Variants in NPAS3 observed in about 807,000 individuals in gnomAD.
NPAS3 encodes the protein neuronal PAS domain protein 3.
A neutral mutation model predicts 73.1 loss-of-function variants in NPAS3; 14 were observed. The ratio of observed to expected loss-of-function variants is 0.19; its 90% CI spans 0.13 to 0.30. The LOEUF is 0.30. Among genes scored for constraint, NPAS3 ranks in the 10% least tolerant of loss-of-function variants. The pLI, the probability that NPAS3 is intolerant of heterozygous loss-of-function variation, is 1.00. For missense variants in NPAS3, 1,096 were observed against 1,250.0 expected, an observed-to-expected ratio of 0.88 and a Z score of 1.86; for synonymous variants, 620 against 541.5, an observed-to-expected ratio of 1.14 and a Z score of -2.01.
rs139303375 is a variant in NPAS3, at chr14:33,236,565, G to A, written c.385+21139G>A. ...GAGAGCATCGAATATCAGGTGCAGT[G>A]TGAGTTGCTTATTAAACTAAAGAAC... On this transcript the variant is annotated intron_variant, in intron 3 of 11. Coordinates refer to ENST00000356141, the Ensembl canonical transcript of NPAS3. 1.6e-4 allele frequency among the ~76,000 whole-genome samples: 24 copies of A among 152,128 alleles called. No individual in the cohort carries two copies. The East Asian group carries it at 4.6e-3, about 29-fold the overall frequency.
rs534415721 is a variant in NPAS3, at chr14:33,268,621, C to A, written c.385+53195C>A. ...GTCACTCCATGAGGAACTTATCAGTCAGCTATGATATGCCTATCACTTACT... is the reference window on the plus strand; with the variant it reads ...GTCACTCCATGAGGAACTTATCAGTAAGCTATGATATGCCTATCACTTACT... On this transcript the variant is annotated intron_variant, in intron 3 of 11. Coordinates refer to ENST00000356141, the Ensembl canonical transcript of NPAS3. Among the ~76,000 whole-genome samples the A allele has an allele frequency of 5.7e-4, 87 of 152,266 alleles. 1 individual carries two copies. In the South Asian group the frequency reaches 0.018, roughly 31 times the overall value.
At chr14:33,530,205 G>C (rs765050779) in intron 4 of NPAS3, among the ~76,000 whole-genome samples, 2 of 152,144 alleles carry the variant, frequency 1.3e-5, no homozygotes, top group African/African-American at 4.8e-5. Context: ...GACAGACCTA[G>C]TCCTGGGACC....
chr14:33,275,531 G>C (rs2041291496), intron 3 of NPAS3, among the ~76,000 whole-genome samples: 1 of 152,142 alleles, frequency 6.6e-6, no homozygotes, highest in African/African-American at 2.4e-5. Context: ...ATTAAAATTA[G>C]TGACAGAGAT....
At chr14:33,262,878 G>C (rs1466742145) in intron 3 of NPAS3, among the ~76,000 whole-genome samples, 1 of 152,142 alleles carries the variant, frequency 6.6e-6, no homozygotes, top group Non-Finnish European at 1.5e-5. Context: ...GGCCAGTGAT[G>C]ATGAGCATTT....
intron 5 of NPAS3, among the ~76,000 whole-genome samples, chr14:33,649,085 C>T (rs2058916273): frequency 6.6e-6 from 1 of 152,192 alleles, no homozygotes; most frequent in African/African-American, 2.4e-5. Context: ...CTAACCAAAA[C>T]TGGCCTTTGT....
chr14:33,440,540 A>G (rs966460166), intron 4 of NPAS3, among the ~76,000 whole-genome samples: 6 of 152,218 alleles, frequency 3.9e-5, no homozygotes, highest in Non-Finnish European at 8.8e-5. Context: ...CCAACTTTTT[A>G]TCATTACAGA....
chr14:33,523,451 CA>C (rs755370427), intron 4 of NPAS3, among the ~76,000 whole-genome samples: 1,084 of 46,718 alleles, frequency 0.023, 4 homozygotes, highest in African/African-American at 0.074. Flanking sequence ...GACTCTGTCT[CA>C]AAAAAAAAAA....
chr14:32,995,401 C>T (rs1453053914), intron 1 of NPAS3, among the ~76,000 whole-genome samples: 1 of 152,234 alleles, frequency 6.6e-6, no homozygotes, highest in Non-Finnish European at 1.5e-5. Context: ...GTAGTCCTGG[C>T]TGAGGCCCTC....
intron 4 of NPAS3, among the ~76,000 whole-genome samples, chr14:33,546,136 T>C (rs953631336): frequency 6.6e-6 from 1 of 152,222 alleles, no homozygotes; most frequent in African/African-American, 2.4e-5. Context: ...GCCTGTTTTC[T>C]GGTGCTTTAC....
intron 1 of NPAS3, among the ~76,000 whole-genome samples, chr14:32,949,232 A>G (rs1270260399): frequency 2.0e-5 from 3 of 151,984 alleles, no homozygotes; most frequent in African/African-American, 7.2e-5. Context: ...CACTTTTACC[A>G]GAAGGTCATC....
At chr14:33,326,462 G>A (rs2043711210) in intron 3 of NPAS3, among the ~76,000 whole-genome samples, 1 of 152,106 alleles carries the variant, frequency 6.6e-6, no homozygotes, top group South Asian at 2.1e-4. Context: ...TCTTTCTAGG[G>A]CCTCCATCTC....
intron 5 of NPAS3, among the ~76,000 whole-genome samples, chr14:33,606,649 G>A (rs561146238): frequency 5.8e-4 from 89 of 152,212 alleles, no homozygotes; most frequent in Non-Finnish European, 1.1e-3. Context: ...GCTTCTAGAA[G>A]AAAACGTGAG....
At chr14:33,679,743 G>C (rs1269831570) in intron 6 of NPAS3, among the ~76,000 whole-genome samples, 2 of 152,162 alleles carry the variant, frequency 1.3e-5, no homozygotes, top group Non-Finnish European at 1.5e-5. Flanking sequence ...GCCAGCCTAA[G>C]AGGCAGTGAT....
chr14:33,709,376 G>A (rs1374837868), intron 6 of NPAS3, among the ~76,000 whole-genome samples: 1 of 152,154 alleles, frequency 6.6e-6, no homozygotes, highest in Non-Finnish European at 1.5e-5. Flanking sequence ...GATGCCAGGA[G>A]AGGCAGAAGT....
At chr14:33,230,298 T>C (rs1958022) in intron 3 of NPAS3, among the ~76,000 whole-genome samples, 43,453 of 152,130 alleles carry the variant, frequency 0.29, 7,441 homozygotes, top group South Asian at 0.48. Flanking sequence ...CCATGCAGTT[T>C]TTCTGGTATC....
At chr14:33,582,325 T>C (rs2056696816) in intron 5 of NPAS3, among the ~76,000 whole-genome samples, 1 of 152,202 alleles carries the variant, frequency 6.6e-6, no homozygotes, top group African/African-American at 2.4e-5. Context: ...CTGCTCTAAA[T>C]ATGAAAAGGA....
intron 2 of NPAS3, chr14:33,214,951 G>A: frequency 1.9e-6 from 1 of 538,502 alleles, no homozygotes. Flanking sequence ...ACCTTAACAA[G>A]TAAAACACAA....
At chr14:33,091,146 G>A (rs931771651) in intron 2 of NPAS3, among the ~76,000 whole-genome samples, 1 of 152,104 alleles carries the variant, frequency 6.6e-6, no homozygotes, top group Non-Finnish European at 1.5e-5. Context: ...GATCAGAACA[G>A]AACTGAAGGA....
chr14:33,353,156 TAA>T (rs35112023), intron 3 of NPAS3, among the ~76,000 whole-genome samples: 332 of 146,702 alleles, frequency 2.3e-3, no homozygotes, highest in Middle Eastern at 3.5e-3. Flanking sequence ...ATGGCTTCTG[TAA>T]AAAAAAAAAA....
Sources: allele counts gnomAD v4.1 joint callset (sites outside exome capture counted in the v4.1 genomes callset), GRCh38; gene constraint gnomAD v4.1.1; transcripts MANE v1.5; gene names NCBI Gene and HGNC (gene_info 2026-07-23, HGNC 2026-07-21).